Variants in LDLRAD4 observed in about 807,000 individuals in gnomAD.
LDLRAD4 encodes the protein low density lipoprotein receptor class A domain containing 4, also known as low-density lipoprotein receptor class A domain-containing protein 4.
Under a neutral mutation model 17.0 loss-of-function variants are expected in LDLRAD4, and 5 were observed. That is an observed-to-expected ratio of 0.29 (90% confidence interval 0.15 to 0.62). LDLRAD4 has a LOEUF of 0.62. Among genes scored for constraint, LDLRAD4 ranks in the 20% least tolerant of loss-of-function variants. The pLI is 0.84. For missense variants in LDLRAD4, 340 were observed against 424.7 expected, an observed-to-expected ratio of 0.80 and a Z score of 1.75; for synonymous variants, 168 against 171.8, an observed-to-expected ratio of 0.98 and a Z score of 0.17.
intron 1 of LDLRAD4, among the ~76,000 whole-genome samples, chr18:13,332,331 C>T (rs561634727): frequency 6.6e-6 from 1 of 152,304 alleles, no homozygotes; most frequent in East Asian, 1.9e-4. Context: ...CTCACCTTTG[C>T]ATAACCAGCC....
intron 3 of LDLRAD4, among the ~76,000 whole-genome samples, chr18:13,498,224 C>G (rs1252114510): frequency 1.3e-5 from 2 of 150,838 alleles, no homozygotes; most frequent in East Asian, 3.9e-4. Flanking sequence ...ACTGGAGAAT[C>G]CTTCTCCACA....
intron 3 of LDLRAD4, among the ~76,000 whole-genome samples, chr18:13,552,031 G>A (rs1601326090): frequency 6.6e-6 from 1 of 152,126 alleles, no homozygotes; most frequent in East Asian, 1.9e-4. Flanking sequence ...CATTACTGCA[G>A]GGAGGGCACC....
intron 1 of LDLRAD4, among the ~76,000 whole-genome samples, chr18:13,271,976 A>G (rs1300776413): frequency 7.0e-6 from 1 of 143,134 alleles, no homozygotes; most frequent in East Asian, 2.0e-4. Flanking sequence ...GCTCACTTCA[A>G]CCTCCGCCTC....
chr18:13,584,778 G>C (rs1377094047), intron 3 of LDLRAD4, among the ~76,000 whole-genome samples: 2 of 152,166 alleles, frequency 1.3e-5, no homozygotes, highest in African/African-American at 4.8e-5. Flanking sequence ...TCTGTCTCCT[G>C]ATACACTGTA....
chr18:13,432,029 C>T (rs2090372223), intron 2 of LDLRAD4, among the ~76,000 whole-genome samples: 1 of 152,188 alleles, frequency 6.6e-6, no homozygotes, highest in South Asian at 2.1e-4. Context: ...GAGGCATGAG[C>T]ACTGCTGCAT....
intron 1 of LDLRAD4, among the ~76,000 whole-genome samples, chr18:13,235,903 G>A (rs1456866564): frequency 1.3e-5 from 2 of 152,176 alleles, no homozygotes; most frequent in South Asian, 2.1e-4. Flanking sequence ...AAAAATAGAG[G>A]TCTTGGCATA....
intron 1 of LDLRAD4, among the ~76,000 whole-genome samples, chr18:13,361,408 G>T (rs1030301392): frequency 6.6e-6 from 1 of 152,204 alleles, no homozygotes; most frequent in Non-Finnish European, 1.5e-5. Flanking sequence ...ATTGGAAGAA[G>T]GGTATATATC....
intron 3 of LDLRAD4, among the ~76,000 whole-genome samples, chr18:13,442,025 T>A (rs2091056310): frequency 6.6e-6 from 1 of 152,244 alleles, no homozygotes. Context: ...CCAGGTTTTG[T>A]CACATCTTTT....
intron 1 of LDLRAD4, among the ~76,000 whole-genome samples, chr18:13,225,100 T>C (rs900082029): frequency 3.9e-5 from 6 of 152,200 alleles, no homozygotes; most frequent in African/African-American, 7.2e-5. Context: ...CCTCCCAAAG[T>C]GCTGGGATTA....
exon 6 of LDLRAD4, chr18:13,651,971 T>C (rs1382774263): frequency 6.6e-6 from 1 of 152,250 alleles, no homozygotes; most frequent in African/African-American, 2.4e-5. Flanking sequence ...TTTTAGTATC[T>C]GTTTGAAAGG....
intron 2 of LDLRAD4, among the ~76,000 whole-genome samples, chr18:13,436,299 C>T (rs1040415274): frequency 1.3e-5 from 2 of 152,186 alleles, no homozygotes; most frequent in Admixed American, 6.5e-5. Flanking sequence ...GTTATATGAA[C>T]GAATGAATGA....
intron 3 of LDLRAD4, among the ~76,000 whole-genome samples, chr18:13,447,385 C>G (rs988164275): frequency 2.0e-5 from 3 of 150,662 alleles, no homozygotes; most frequent in African/African-American, 7.3e-5. Context: ...GCCTTTGTTT[C>G]TCCAAGACGG....
At chr18:13,239,408 A>C (rs2145642257) in intron 1 of LDLRAD4, 1 of 152,244 alleles carries the variant, frequency 6.6e-6, no homozygotes, top group Middle Eastern at 3.4e-3. Context: ...CTCCCTTTTC[A>C]CCTACGTCTT....
intron 1 of LDLRAD4, among the ~76,000 whole-genome samples, chr18:13,307,733 T>C (rs1040035050): frequency 2.6e-5 from 4 of 152,232 alleles, no homozygotes; most frequent in Non-Finnish European, 5.9e-5. Flanking sequence ...ATTTTTTAAA[T>C]AACATTTTCT....
intron 1 of LDLRAD4, among the ~76,000 whole-genome samples, chr18:13,278,867 G>T (rs59830816): frequency 0.029 from 4,407 of 152,260 alleles, 226 homozygotes; most frequent in African/African-American, 0.1. Flanking sequence ...GAAACAACTT[G>T]ATGAGGAATC....
intron 1 of LDLRAD4, chr18:13,240,379 C>G (rs1325888876): frequency 1.3e-5 from 2 of 152,286 alleles, no homozygotes; most frequent in Non-Finnish European, 2.9e-5. Flanking sequence ...CCGCCTCCCC[C>G]ACATATGCTC....
intron 1 of LDLRAD4, among the ~76,000 whole-genome samples, chr18:13,325,176 A>G (rs2081452745): frequency 6.6e-6 from 1 of 152,184 alleles, no homozygotes; most frequent in Non-Finnish European, 1.5e-5. Context: ...TCTGTATAGG[A>G]ATAAAAGGAA....
At chr18:13,580,664 G>T (rs533898739) in intron 3 of LDLRAD4, among the ~76,000 whole-genome samples, 3 of 152,286 alleles carry the variant, frequency 2.0e-5, no homozygotes, top group African/African-American at 7.2e-5. Context: ...CTTCTCGGGG[G>T]ACTGGCCAGC....
At chr18:13,362,810 C>G (rs1275773820) in intron 1 of LDLRAD4, among the ~76,000 whole-genome samples, 1 of 152,026 alleles carries the variant, frequency 6.6e-6, no homozygotes, top group African/African-American at 2.4e-5. Context: ...TGAAAATTAC[C>G]CAAGAGGGAA....
Sources: allele counts gnomAD v4.1 joint callset (sites outside exome capture counted in the v4.1 genomes callset), GRCh38; gene constraint gnomAD v4.1.1; transcripts MANE v1.5; gene names NCBI Gene and HGNC (gene_info 2026-07-23, HGNC 2026-07-21).